The following HBP1 variants were observed in gnomAD, a reference collection of about 807,000 sequenced individuals.
HBP1 encodes the protein HMG-box transcription factor 1, also known as HMG box-containing protein 1.
HBP1 carries 20 observed loss-of-function variants against 62.6 expected under a neutral mutation model. The observed-to-expected ratio is 0.32, with a 90% CI of 0.22 to 0.46. The LOEUF is 0.46. Ranked by LOEUF, HBP1 falls within the 20% of genes least tolerant of loss-of-function variation. The pLI, the probability that HBP1 is intolerant of heterozygous loss-of-function variation, is 1.00. For missense variants in HBP1, 480 were observed against 611.8 expected, an observed-to-expected ratio of 0.78 and a Z score of 2.27; for synonymous variants, 232 against 206.2, an observed-to-expected ratio of 1.12 and a Z score of -1.07.
At chr7:107,175,854 C>G (rs1316580083) in intron 1 of HBP1, among the ~76,000 whole-genome samples, 1 of 150,966 alleles carries the variant, frequency 6.6e-6, no homozygotes, top group Non-Finnish European at 1.5e-5. Flanking sequence ...GTAGCTGGGA[C>G]TACAGGCGCC....
intron 2 of HBP1, 58 bp downstream of exon 2, chr7:107,180,120 C>A: frequency 9.1e-7 from 1 of 1,094,086 alleles, no homozygotes; most frequent in Non-Finnish European, 1.3e-6. Context: ...AATTTTTCTA[C>A]TTAGCCCGCT....
chr7:107,197,108 C>G (rs940633568), intron 9 of HBP1: 1 of 152,170 alleles, frequency 6.6e-6, no homozygotes, highest in East Asian at 1.9e-4. Context: ...TAAAAATCAA[C>G]TCAAGTCCTT....
At chr7:107,170,866 C>G (rs963015952) in intron 1 of HBP1, among the ~76,000 whole-genome samples, 2 of 150,574 alleles carry the variant, frequency 1.3e-5, no homozygotes, top group Non-Finnish European at 2.9e-5. Flanking sequence ...GCATACCTCT[C>G]AGACGTCAAA....
At chr7:107,174,641 T>G (rs181229977) in intron 1 of HBP1, 2 of 984,574 alleles carry the variant, frequency 2.0e-6, no homozygotes, top group Non-Finnish European at 2.4e-6. Context: ...CAAGACAGAC[T>G]GCAGCTGTGC....
intron 7 of HBP1, 31 bp downstream of exon 7, chr7:107,189,479 TTTTTAAA>T (rs748140161): frequency 1.3e-6 from 2 of 1,532,736 alleles, no homozygotes; most frequent in South Asian, 2.4e-5. Flanking sequence ...GTAGTAACTT[TTTTTAAA>T]CAAAGCTTCT....
At chr7:107,179,681 A>C (rs1797018363) in intron 1 of HBP1, 198 bp from the exon 2 acceptor site, 1 of 324,358 alleles carries the variant, frequency 3.1e-6, no homozygotes, top group Admixed American at 4.3e-5. Context: ...CTGAGGCGGG[A>C]GAATCGCTTG....
chr7:107,202,187 C>T lies in HBP1; in HGVS notation c.*756C>T, dbSNP rs182338996. On this transcript the variant is annotated 3_prime_UTR_variant, in exon 11 of 11. Coordinates refer to ENST00000222574, the MANE Select transcript of HBP1 (RefSeq NM_012257.4). Reference sequence around the variant, plus strand: ...TCAACACCATTGTATTTTTTAACTTCGTGTTCTGTATCTCCTCAGCCATGT... The same window carrying T: ...TCAACACCATTGTATTTTTTAACTTTGTGTTCTGTATCTCCTCAGCCATGT... 74 of 152,732 alleles carry T rather than the reference C, an allele frequency of 4.8e-4. No individual in the cohort carries two copies. The highest frequency in any genetic ancestry group is 4.9e-4 in the Non-Finnish European group (33 of 68,036). 9.5% of individuals were successfully genotyped at this position (152,732 alleles called of 1,614,324 possible).
Position 107,197,524 on chromosome 7 carries a change from A to G in HBP1, c.1385+1373A>G, listed in dbSNP as rs553674725. Among the ~76,000 whole-genome samples the G allele has an allele frequency of 2.6e-5, 4 of 152,142 alleles. No homozygotes were observed. The South Asian group carries it at 8.3e-4, about 32-fold the overall frequency. ...GCTGGGATTACGGGCATGCGCCACT[A>G]CACCCAGCTAATTTTTTGCATATTT... is the stretch of plus-strand genomic sequence containing the variant. On this transcript the variant is annotated intron_variant, in intron 9 of 10. Coordinates refer to ENST00000222574, the MANE Select transcript of HBP1 (RefSeq NM_012257.4).
At chr7:107,181,527 T>C (rs1216623635) in intron 2 of HBP1, among the ~76,000 whole-genome samples, 1 of 151,978 alleles carries the variant, frequency 6.6e-6, no homozygotes, top group Non-Finnish European at 1.5e-5. Flanking sequence ...TAGACTATTC[T>C]GGAATATTTG....
intron 8 of HBP1, among the ~76,000 whole-genome samples, chr7:107,191,203 G>T (rs1396195183): frequency 6.6e-6 from 1 of 152,092 alleles, no homozygotes; most frequent in Non-Finnish European, 1.5e-5. Flanking sequence ...GAGGATGAGT[G>T]AAACTATTAT....
rs1206859485 is a variant in HBP1, at chr7:107,179,999, C to T, written c.106C>T (p.Gln36Ter). 1 of 1,609,702 alleles carries T rather than the reference C, an allele frequency of 6.2e-7. No homozygotes were observed. Among genetic ancestry groups the T allele is most frequent in the East Asian group, 2.2e-5 (1 of 44,808 alleles). The change falls in exon 2 of 11, where the codon CAG becomes TAG. Residue 36 changes from glutamine (Q) to a stop codon, truncating the protein, a stop_gained. Transcript: ENST00000222574. LOFTEE classifies it high-confidence loss of function. ...SGMNDSLELLQCNENLPSSPG... is the reference protein window; with the variant it reads ...SGMNDSLELL The stretch of plus-strand genomic sequence containing the variant: ...AATGAATGACTCATTGGAGTTGCTG[C>T]AGTGTAATGAGAATTTGCCATCTTC...
intron 1 of HBP1, among the ~76,000 whole-genome samples, chr7:107,172,131 C>T (rs924696939): frequency 6.6e-6 from 1 of 151,484 alleles, no homozygotes; most frequent in Non-Finnish European, 1.5e-5. Flanking sequence ...TATAGAGAAA[C>T]TAGAAACATA....
At chr7:107,171,073 A>ATATTTTTTTTT in intron 1 of HBP1, among the ~76,000 whole-genome samples, 22 of 87,198 alleles carry the variant, frequency 2.5e-4, no homozygotes, top group African/African-American at 7.9e-4. Context: ...ATATATATAT[A>ATATTTTTTTTT]TTTTTTTTTT....
At chr7:107,177,991 A>G (rs1313704079) in intron 1 of HBP1, among the ~76,000 whole-genome samples, 1 of 152,262 alleles carries the variant, frequency 6.6e-6, no homozygotes, top group Non-Finnish European at 1.5e-5. Context: ...GGTAATTAAC[A>G]TCATGACTTA....
rs557262163 is a variant in HBP1 at position 107,173,169 on chromosome 7, T to C, written c.-16+3984T>C. The stretch of plus-strand genomic sequence containing the variant: ...AAGTTGCATTTAATATACTTTGTTA[T>C]GGAGGCTTGTTTTAGCATGTAATTA... On this transcript the variant is annotated intron_variant, in intron 1 of 10. Transcript: ENST00000222574. 5.6e-4 allele frequency among the ~76,000 whole-genome samples: 86 copies of C among 152,378 alleles called. 1 individual carries two copies. The highest frequency in any genetic ancestry group is 1.3e-3 in the African/African-American group (55 of 41,590).
intron 10 of HBP1, 31 bp from the exon 11 acceptor site, chr7:107,201,383 A>ACATT (rs1319079437): frequency 6.9e-7 from 1 of 1,451,912 alleles, no homozygotes; most frequent in Non-Finnish European, 9.7e-7. Context: ...TGATTTGTAA[A>ACATT]CATTCACTGA....
intron 3 of HBP1, among the ~76,000 whole-genome samples, chr7:107,184,773 G>C (rs1797276794): frequency 6.6e-6 from 1 of 152,214 alleles, no homozygotes; most frequent in African/African-American, 2.4e-5. Context: ...GCCTCCCAAA[G>C]TGCTGGGTGG....
At chr7:107,190,415 TA>T (rs962444141) in intron 8 of HBP1, 98 bp downstream of exon 8, 5 of 739,670 alleles carry the variant, frequency 6.8e-6, no homozygotes, top group Non-Finnish European at 1.1e-5. Flanking sequence ...GTTCAGTCTT[TA>T]AAGATTTGAG....
rs780239124 is a variant in HBP1, at chr7:107,179,975, A to G, written c.82A>G (p.Met28Val). 1.2e-6 allele frequency: 2 copies of G among 1,611,930 alleles called. No individual in the cohort carries two copies. The highest frequency in any genetic ancestry group is 2.2e-5 in the South Asian group (2 of 90,972). Reference protein sequence around the residue: ...LLVMDKRASGMNDSLELLQCN... With the variant: ...LLVMDKRASGVNDSLELLQCN... The stretch of plus-strand genomic sequence containing the variant: ...GGTGATGGACAAGAGAGCCTCAGGA[A>G]TGAATGACTCATTGGAGTTGCTGCA... Residue 28 changes from methionine to valine, a missense_variant, in exon 2 of 11, where the codon ATG (methionine) becomes GTG (valine). By Grantham distance (21) the Met-to-Val change is conservative. Around this residue, in one of 4 missense-constraint regions of HBP1, gnomAD observed 304 missense variants for 330.9 expected, o/e 0.92. Transcript: ENST00000222574.
Sources: gnomAD v4.1 joint callset for allele counts (sites outside exome capture counted in the v4.1 genomes callset) on GRCh38, gnomAD v4.1.1 for gene constraint, gnomAD v4.1.1 regional missense constraint, MANE v1.5 for transcripts, NCBI Gene and HGNC (gene_info 2026-07-23, HGNC 2026-07-21) for gene names.